Variants in AP2A1 observed in about 807,000 individuals in gnomAD.
The protein encoded by AP2A1 is AP-2 complex subunit alpha-1.
A neutral mutation model predicts 107.3 loss-of-function variants in AP2A1; 21 were observed. That is an observed-to-expected ratio of 0.20 (90% CI 0.14 to 0.28). The LOEUF is 0.28. Among genes scored for constraint, AP2A1 ranks in the 10% least tolerant of loss-of-function variants. The pLI, the probability that AP2A1 is intolerant of heterozygous loss-of-function variation, is 1.00. For missense variants in AP2A1, 873 were observed against 1,307.7 expected (o/e 0.67, Z 5.13); for synonymous variants, 602 against 564.8 (o/e 1.07, Z -0.93).
intron 1 of AP2A1, among the ~76,000 whole-genome samples, chr19:49,774,427 G>A (rs776964897): frequency 1.3e-5 from 2 of 152,192 alleles, no homozygotes; most frequent in Non-Finnish European, 2.9e-5. Flanking sequence ...AGGAGAATGA[G>A]AGGGTTTGAT....
At chr19:49,782,793 C>G (rs2084693477) in intron 4 of AP2A1, 69 bp downstream of exon 4, 8 of 1,477,444 alleles carry the variant, frequency 5.4e-6, no homozygotes, top group Non-Finnish European at 7.2e-6. Context: ...GTGTGAGGCT[C>G]AGAGAGGCTC....
intron 4 of AP2A1, among the ~76,000 whole-genome samples, chr19:49,790,680 G>A (rs1471077151): frequency 1.3e-5 from 2 of 152,232 alleles, no homozygotes; most frequent in Admixed American, 6.5e-5. Context: ...GATTACAGGC[G>A]TGAGCCACCC....
rs1229926855 is a variant in AP2A1, at chr19:49,800,253, TCTC to T, written c.1455+106_1455+108del. The T allele has an allele frequency of 6.6e-6, 9 of 1,356,002 alleles. No individual in the cohort carries two copies. In the Admixed American group the frequency reaches 1.5e-4, roughly 23 times the overall value. The allele number at this position is 1,356,002 out of a possible 1,614,324, so 84.0% of individuals were successfully genotyped here. On this transcript the variant is annotated intron_variant, in intron 11 of 22. Coordinates refer to ENST00000354293, the MANE Select transcript of AP2A1 (RefSeq NM_130787.3). Reference sequence around the variant, plus strand: ...CCTGCCAGCCCGCAGCCACCCTCCTTCTCCTGCACTGCCGTGACCTCAAAATGG... The same window carrying T: ...CCTGCCAGCCCGCAGCCACCCTCCTTCTGCACTGCCGTGACCTCAAAATGG...
Position 49,791,890 on chromosome 19 carries a change from G to T in AP2A1, c.474-45G>T, listed in dbSNP as rs2123720381. ...AGAGGAGGGGAGGTGTGCAGGGCTG[G>T]GGTCACTGACTCTGCTTCCCCTGCC... On this transcript the variant is annotated intron_variant, in intron 4 of 22. Coordinates refer to ENST00000354293, the MANE Select transcript of AP2A1 (RefSeq NM_130787.3). The T allele has an allele frequency of 1.9e-6, 3 of 1,558,142 alleles. No individual in the cohort carries two copies. The East Asian group carries it at 7.1e-5, about 37-fold the overall frequency.
intron 4 of AP2A1, among the ~76,000 whole-genome samples, chr19:49,786,004 C>G (rs1243927002): frequency 2.0e-5 from 3 of 152,016 alleles, no homozygotes; most frequent in Admixed American, 1.3e-4. Context: ...CGCATAAACC[C>G]GGGGGGCAGA....
chr19:49,794,160 A>G (rs1481577361), intron 6 of AP2A1, among the ~76,000 whole-genome samples: 1 of 151,012 alleles, frequency 6.6e-6, no homozygotes, highest in East Asian at 1.9e-4. Flanking sequence ...TCGGCCTCCT[A>G]AAGTGCTGGG....
intron 15 of AP2A1, 39 bp from the exon 16 acceptor site, chr19:49,802,910 C>A: frequency 6.2e-7 from 1 of 1,601,498 alleles, no homozygotes; most frequent in Non-Finnish European, 8.5e-7. Flanking sequence ...CCCCTCCCCA[C>A]CAAGTTCCTT....
chr19:49,807,092 G>A lies in AP2A1; in HGVS notation c.*334G>A, dbSNP rs781670962. 1.1e-5 allele frequency: 18 copies of A among 1,605,652 alleles called. No homozygotes were observed. In the African/African-American group the frequency reaches 1.2e-4, roughly 11 times the overall value. ...CCAGGGGCTGTGTATTATTGTGAGC[G>A]AATAAACAGAGAGACGCTAACAGCC... On this transcript the variant is annotated 3_prime_UTR_variant, in exon 23 of 23. Coordinates refer to ENST00000354293, the MANE Select transcript of AP2A1 (RefSeq NM_130787.3).
At chr19:49,802,345 C>T in intron 15 of AP2A1, 4 of 845,546 alleles carry the variant, frequency 4.7e-6, no homozygotes, top group East Asian at 2.6e-5. Flanking sequence ...TGGACTCCGC[C>T]GACCCTGGCC....
At chr19:49,798,779 G>A (rs535661296) in intron 7 of AP2A1, 23 bp from the exon 8 acceptor site, 1 of 1,596,618 alleles carries the variant, frequency 6.3e-7, no homozygotes, top group African/African-American at 1.3e-5. Context: ...ACTCAGCCGG[G>A]GGCGTCCCCT....
chr19:49,781,665 C>A, intron 1 of AP2A1, 92 bp from the exon 2 acceptor site: 1 of 1,322,110 alleles, frequency 7.6e-7, no homozygotes, highest in Non-Finnish European at 1.1e-6. Flanking sequence ...AAGATCTGCC[C>A]TTCCTGCTGG....
intron 1 of AP2A1, among the ~76,000 whole-genome samples, chr19:49,780,112 C>G (rs1046199988): frequency 6.6e-6 from 1 of 152,248 alleles, no homozygotes; most frequent in Non-Finnish European, 1.5e-5. Context: ...GAGCAGATCT[C>G]TGCCCCTTCC....
intron 1 of AP2A1, among the ~76,000 whole-genome samples, chr19:49,770,632 C>T (rs1008731946): frequency 5.9e-5 from 9 of 152,116 alleles, no homozygotes; most frequent in Admixed American, 4.6e-4. Flanking sequence ...GGAATATTAC[C>T]GGGCCTTAAA....
chr19:49,775,734 TG>T, intron 1 of AP2A1, among the ~76,000 whole-genome samples: 1 of 152,296 alleles, frequency 6.6e-6, no homozygotes, highest in Non-Finnish European at 1.5e-5. Context: ...TCAGGGCTGC[TG>T]GGGCTTGTAC....
intron 4 of AP2A1, among the ~76,000 whole-genome samples, chr19:49,789,630 C>T (rs866782213): frequency 6.9e-6 from 1 of 145,800 alleles, no homozygotes; most frequent in Non-Finnish European, 1.5e-5. Context: ...GGTTTTACCA[C>T]GTTGGCCTGG....
chr19:49,806,955 GTCCCCCTCCC>G lies in AP2A1; in HGVS notation c.*202_*211del, dbSNP rs1181456615. On this transcript the variant is annotated 3_prime_UTR_variant, in exon 23 of 23. Coordinates refer to ENST00000354293, the MANE Select transcript of AP2A1 (RefSeq NM_130787.3). Reference sequence around the variant, plus strand: ...TTTACATTCTGGGGGGTTAGGGGGAGTCCCCCTCCCTCCCTTTCCCCCCCAAGCACAGAGG... The same window carrying G: ...TTTACATTCTGGGGGGTTAGGGGGAGTCCCTTTCCCCCCCAAGCACAGAGG... 8 of 1,533,294 alleles carry G rather than the reference GTCCCCCTCCC, an allele frequency of 5.2e-6. No individual in the cohort carries two copies. In the African/African-American group the frequency reaches 1.1e-4, roughly 21 times the overall value. The allele number at this position is 1,533,294 out of a possible 1,614,324, so 95.0% of individuals were successfully genotyped here.
Position 49,802,017 on chromosome 19 carries a change from CG to C in AP2A1, c.1993del (p.Ala665GlnfsTer58). On this transcript the variant is annotated frameshift_variant, in exon 15 of 23. Transcript: ENST00000354293. LOFTEE classifies it high-confidence loss of function. ...PSPSADLLGL[R>X]AAPPPAAPPA... ...GCCCTCCGCCGACCTCCTGGGGCTG[CG>C]GGCAGCCCCTCCCCCGGCAGCACCC... The C allele has an allele frequency of 6.4e-7, 1 of 1,554,266 alleles. No individual in the cohort carries two copies.
intron 1 of AP2A1, among the ~76,000 whole-genome samples, chr19:49,774,935 C>T (rs1200800161): frequency 7.5e-6 from 1 of 133,234 alleles, no homozygotes. Flanking sequence ...AAAAAAAAAG[C>T]AAAACAGGCT....
chr19:49,787,351 T>TG lies in AP2A1; in HGVS notation c.474-4584_474-4583insG, dbSNP rs1318922737. Among the ~76,000 whole-genome samples the TG allele has an allele frequency of 4.2e-3, 494 of 116,850 alleles. 16 individuals carry two copies. The highest frequency in any genetic ancestry group is 0.016 in the African/African-American group (474 of 28,822). 76.7% of individuals were successfully genotyped at this position (116,850 alleles called of 152,430 possible). ...CTTTTTTTGTTTGTTTTTTTTGTTT[T>TG]TTGTTTTTTTTTTTTTGAGGCAGTC... On this transcript the variant is annotated intron_variant, in intron 4 of 22. Transcript: ENST00000354293.
Sources: gnomAD v4.1 joint callset for allele counts (sites outside exome capture counted in the v4.1 genomes callset) on GRCh38, gnomAD v4.1.1 for gene constraint, MANE v1.5 for transcripts, NCBI Gene and HGNC (gene_info 2026-07-23, HGNC 2026-07-21) for gene names.